The following PAPSS2 variants were observed in gnomAD, a reference collection of about 807,000 sequenced individuals.
The protein encoded by PAPSS2 is bifunctional 3'-phosphoadenosine 5'-phosphosulfate synthase 2.
PAPSS2 carries 61 observed loss-of-function variants against 66.5 expected under a neutral mutation model. That is an observed-to-expected ratio of 0.92 (90% CI 0.75 to 1.14). The LOEUF (loss-of-function observed/expected upper bound fraction) is 1.14. PAPSS2 is among the 50% of genes most tolerant of loss of function. The probability of loss-of-function intolerance (pLI) is 0.00; values close to 1 mark genes in which losing one functional copy is unlikely to be tolerated. For synonymous variants in PAPSS2, 289 were observed against 287.5 expected (o/e 1.01, Z -0.05); for missense variants, 708 against 789.6 (o/e 0.90, Z 1.24).
intron 2 of PAPSS2, among the ~76,000 whole-genome samples, chr10:87,710,448 G>A (rs1012663023): frequency 7.9e-5 from 12 of 152,234 alleles, no homozygotes; most frequent in South Asian, 4.1e-4. Context: ...CCCAAGAGAC[G>A]TAATTTGAGC....
intron 10 of PAPSS2, among the ~76,000 whole-genome samples, chr10:87,742,473 T>G (rs1167418768): frequency 1.3e-5 from 2 of 152,180 alleles, no homozygotes; most frequent in Admixed American, 1.3e-4. Flanking sequence ...ATAATAGGAT[T>G]GGTGATTTTT....
chr10:87,676,518 A>G (rs993752102), intron 1 of PAPSS2, among the ~76,000 whole-genome samples: 1 of 147,826 alleles, frequency 6.8e-6, no homozygotes, highest in Non-Finnish European at 1.5e-5. Context: ...TTTCATAATT[A>G]TCACCTAAAA....
intron 9 of PAPSS2, among the ~76,000 whole-genome samples, chr10:87,736,263 C>CTTTTTT (rs10553485): frequency 2.2e-4 from 23 of 103,242 alleles, no homozygotes; most frequent in African/African-American, 4.5e-4. Context: ...TTCTTTCTTT[C>CTTTTTT]TTTTTTTTTT....
intron 1 of PAPSS2, among the ~76,000 whole-genome samples, chr10:87,701,421 TC>T (rs1853314686): frequency 1.6e-5 from 2 of 128,216 alleles, no homozygotes; most frequent in East Asian, 2.4e-4. Flanking sequence ...TCTCTCTCTC[TC>T]TCTCTCTCTC....
chr10:87,743,321 A>T, intron 10 of PAPSS2, 52 bp from the exon 11 acceptor site: 1 of 1,581,870 alleles, frequency 6.3e-7, no homozygotes, highest in Non-Finnish European at 8.7e-7. Context: ...TCTTGTGGAG[A>T]AATGACACCA....
chr10:87,668,829 T>C (rs1001953476), intron 1 of PAPSS2, among the ~76,000 whole-genome samples: 2 of 152,198 alleles, frequency 1.3e-5, no homozygotes, highest in African/African-American at 2.4e-5. Context: ...TGGGTGGGGA[T>C]ACTTCCACTA....
chr10:87,678,176 C>T (rs11202502), intron 1 of PAPSS2, among the ~76,000 whole-genome samples: 69,214 of 151,772 alleles, frequency 0.46, 16,542 homozygotes, highest in East Asian at 0.78. Flanking sequence ...ACAAAGGCGC[C>T]AAGACTATAC....
intron 1 of PAPSS2, among the ~76,000 whole-genome samples, chr10:87,691,787 G>A (rs1853174609): frequency 1.3e-5 from 2 of 152,076 alleles, no homozygotes; most frequent in Admixed American, 1.3e-4. Context: ...GACTTTCCAA[G>A]CAAGGAGAAT....
At chr10:87,745,434 T>C (rs577047736) in intron 12 of PAPSS2, among the ~76,000 whole-genome samples, 1 of 152,344 alleles carries the variant, frequency 6.6e-6, no homozygotes, top group Non-Finnish European at 1.5e-5. Context: ...AGATGGTCCA[T>C]AAATATTTCT....
chr10:87,693,326 C>G (rs942486753), intron 1 of PAPSS2, among the ~76,000 whole-genome samples: 1 of 152,172 alleles, frequency 6.6e-6, no homozygotes, highest in African/African-American at 2.4e-5. Flanking sequence ...AGGAATCTGC[C>G]TTTCCAGTGC....
At position 87,746,418 on chromosome 10, in the gene PAPSS2, T is replaced by TAAA. The variant is rs1174229351; in HGVS notation, c.*448_*449insAAA. The TAAA allele has an allele frequency of 2.6e-5, 4 of 153,034 alleles. No homozygotes were observed. Among genetic ancestry groups the TAAA allele is most frequent in the African/African-American group, 9.9e-5 (4 of 40,450 alleles). 9.5% of individuals were successfully genotyped at this position (153,034 alleles called of 1,614,324 possible). A position where few individuals can be genotyped will look rare whatever the true frequency, so the allele number is the denominator to read the frequency against. ...CTGTACAATTGACAAAAAAAAAAAT[T>TAAA]TTTTTTTCTCACTCTAAAAGAGGTG... On this transcript the variant is annotated 3_prime_UTR_variant, in exon 13 of 13. Coordinates refer to ENST00000456849, the MANE Select transcript of PAPSS2 (RefSeq NM_001015880.2).
At chr10:87,723,969 C>G (rs1444414321) in intron 8 of PAPSS2, among the ~76,000 whole-genome samples, 1 of 152,126 alleles carries the variant, frequency 6.6e-6, no homozygotes, top group African/African-American at 2.4e-5. Context: ...CTTTCATTCT[C>G]TTCTGAATCT....
chr10:87,726,232 C>G (rs142542700), intron 8 of PAPSS2, among the ~76,000 whole-genome samples: 1 of 152,094 alleles, frequency 6.6e-6, no homozygotes, highest in African/African-American at 2.4e-5. Flanking sequence ...GAGATCGAGA[C>G]CATCCTGGCC....
At position 87,743,463 on chromosome 10, in the gene PAPSS2, G is replaced by A. The variant is rs1475769784; in HGVS notation, c.1313G>A (p.Gly438Asp). The change falls in exon 11 of 13, where the codon GGC becomes GAC. Residue 438 changes from glycine (G) to aspartate (D), a missense_variant. By Grantham distance (94) the Gly-to-Asp change is moderately conservative (BLOSUM62 -1). Transcript: ENST00000456849. ...QDTRRRLLER[G>D]YKHPVLLLHP... ...ACTCGCCGCAGGCTCCTAGAGAGGG[G>A]CTACAAGCACCCGGTCCTCCTACTA... 8 of 1,614,034 alleles carry A rather than the reference G, an allele frequency of 5.0e-6. No homozygotes were observed. The African/African-American group carries it at 8.0e-5, about 16-fold the overall frequency.
In PAPSS2 at chr10:87,714,688, T is replaced by C. The variant is rs1853509562; in HGVS notation, c.521-57T>C. 2.9e-6 allele frequency: 3 copies of C among 1,021,374 alleles called. No individual in the cohort carries two copies. In the African/African-American group the frequency reaches 4.7e-5, roughly 16 times the overall value. The allele number at this position is 1,021,374 out of a possible 1,614,324, so 63.3% of individuals were successfully genotyped here. A position where few individuals can be genotyped will look rare whatever the true frequency, so the allele number is the denominator to read the frequency against. On this transcript the variant is annotated intron_variant, in intron 4 of 12. Transcript: ENST00000456849. ...TCCAACATGTGTTTTGCCTTATTGA[T>C]TAAAAAGATTATTCTGTCAATACAG...
chr10:87,680,992 T>C (rs11202503), intron 1 of PAPSS2, among the ~76,000 whole-genome samples: 1 of 151,956 alleles, frequency 6.6e-6, no homozygotes, highest in Non-Finnish European at 1.5e-5. Context: ...TAAATATGTG[T>C]TTCTCAACTG....
At chr10:87,660,154 G>A in intron 1 of PAPSS2, 146 bp downstream of exon 1, 1 of 795,288 alleles carries the variant, frequency 1.3e-6, no homozygotes, top group Non-Finnish European at 2.1e-6. Flanking sequence ...AGGGAAGCAA[G>A]AGAAAGAGGC....
intron 11 of PAPSS2, 54 bp downstream of exon 11, chr10:87,743,695 T>TA: frequency 2.5e-6 from 4 of 1,599,650 alleles, no homozygotes; most frequent in Non-Finnish European, 3.4e-6. Context: ...ACTCAGACTT[T>TA]ACATAGAAGA....
At chr10:87,666,770 G>A (rs568136540) in intron 1 of PAPSS2, among the ~76,000 whole-genome samples, 1 of 152,256 alleles carries the variant, frequency 6.6e-6, no homozygotes, top group South Asian at 2.1e-4. Flanking sequence ...GGTGGGACTA[G>A]TTAAGGTCCT....
Sources: allele counts gnomAD v4.1 joint callset (sites outside exome capture counted in the v4.1 genomes callset), GRCh38; gene constraint gnomAD v4.1.1; transcripts MANE v1.5; gene names NCBI Gene and HGNC (gene_info 2026-07-23, HGNC 2026-07-21).